The following CDC42BPB variants were observed in gnomAD, a reference collection of about 807,000 sequenced individuals.
CDC42BPB encodes the protein CDC42 binding protein kinase beta.
A neutral mutation model predicts 214.9 loss-of-function variants in CDC42BPB; 37 were observed. The observed-to-expected ratio is 0.17, with a 90% CI of 0.13 to 0.23. CDC42BPB has a LOEUF of 0.23. Ranked by LOEUF, CDC42BPB falls within the 10% of genes least tolerant of loss-of-function variation. The probability of loss-of-function intolerance (pLI) is 1.00; values close to 1 mark genes in which losing one functional copy is unlikely to be tolerated. For synonymous variants in CDC42BPB, 931 were observed against 884.0 expected, an observed-to-expected ratio of 1.05 and a Z score of -0.94; for missense variants, 1,694 against 2,227.0, an observed-to-expected ratio of 0.76 and a Z score of 4.82.
At chr14:102,972,549 C>A (rs962518663) in intron 12 of CDC42BPB, among the ~76,000 whole-genome samples, 1 of 151,854 alleles carries the variant, frequency 6.6e-6, no homozygotes, top group African/African-American at 2.4e-5. Flanking sequence ...ATTAGCTGGG[C>A]GTGGTGGTGG....
intron 5 of CDC42BPB, among the ~76,000 whole-genome samples, chr14:102,993,810 A>AAGCTCTATACCTGGCTGC (rs1353882977): frequency 2.0e-5 from 3 of 152,228 alleles, no homozygotes; most frequent in African/African-American, 7.2e-5. Context: ...GTTGTGTAAC[A>AAGCTCTATACCTGGCTGC]AGCTCTATAC....
chr14:102,952,597 C>T lies in CDC42BPB; in HGVS notation c.3073G>A (p.Ala1025Thr), dbSNP rs374839429. Reference sequence around the variant, plus strand: ...AAGGACTTGATGCTGAACTGGTGAGCTTTTGGCTGGAAGGAGAAAATCAAG... The same window carrying T: ...AAGGACTTGATGCTGAACTGGTGAGTTTTTGGCTGGAAGGAGAAAATCAAG... ...ALALAGPKPK[A>T]HQFSIKSFSS... The change falls in exon 24 of 37, where the codon GCT (alanine) becomes ACT (threonine). Residue 1025 changes from alanine to threonine, a missense_variant. By Grantham distance (58) the Ala-to-Thr change is moderately conservative. Transcript: ENST00000361246. The T allele has an allele frequency of 1.9e-6, 3 of 1,613,498 alleles. No individual in the cohort carries two copies. The African/African-American group carries it at 4.0e-5, about 22-fold the overall frequency.
chr14:103,045,693 G>T (rs1888249235), intron 1 of CDC42BPB, among the ~76,000 whole-genome samples: 1 of 152,156 alleles, frequency 6.6e-6, no homozygotes, highest in Non-Finnish European at 1.5e-5. Flanking sequence ...GTAAGTAAGT[G>T]TAAGAATAGA....
intron 36 of CDC42BPB, among the ~76,000 whole-genome samples, chr14:102,935,013 C>CAA (rs35596449): frequency 2.4e-4 from 17 of 71,320 alleles, no homozygotes; most frequent in African/African-American, 3.1e-4. Context: ...GACTCTGTCT[C>CAA]AAAAAAAAAA....
Position 102,974,144 on chromosome 14 carries a change from T to C in CDC42BPB, c.1513A>G (p.Asn505Asp). 1 of 1,613,414 alleles carries C rather than the reference T, an allele frequency of 6.2e-7. No homozygotes were observed. The highest frequency in any genetic ancestry group is 8.5e-7 in the Non-Finnish European group (1 of 1,179,754). Residue 505 changes from asparagine (N) to aspartate (D), a missense_variant, in exon 12 of 37, where the codon AAC becomes GAC. By Grantham distance (23) the Asn-to-Asp change is conservative. Coordinates refer to ENST00000361246, the MANE Select transcript of CDC42BPB (RefSeq NM_006035.4). Reference sequence around the variant, plus strand: ...TCCTCAAGCTGTCGCTCGAGCCTGTTTGAATCTGGACAAAAGAGGAAATAA... The same window carrying C: ...TCCTCAAGCTGTCGCTCGAGCCTGTCTGAATCTGGACAAAAGAGGAAATAA... The part of the protein sequence containing the change: ...ERLKNKIADS[N>D]RLERQLEDTV...
chr14:103,035,709 G>A (rs942756018), intron 1 of CDC42BPB, among the ~76,000 whole-genome samples: 1 of 151,990 alleles, frequency 6.6e-6, no homozygotes, highest in East Asian at 1.9e-4. Context: ...ATGTGGTGGC[G>A]GGCGCCTGTA....
rs774836834 is a variant in CDC42BPB at position 102,950,523 on chromosome 14, C to G, written c.3252G>C (p.Arg1084Ser). 1 of 1,613,186 alleles carries G rather than the reference C, an allele frequency of 6.2e-7. No individual in the cohort carries two copies. Among genetic ancestry groups the G allele is most frequent in the Non-Finnish European group, 8.5e-7 (1 of 1,179,912 alleles). ...CTCGCTGCACGTCCACGCCCAGAGG[C>G]CTCTTGGACTGCTCGGGAGGTATTG... is the stretch of plus-strand genomic sequence containing the variant. ...VCPIPPEQSK[R>S]PLGVDVQRGI... The change falls in exon 25 of 37, where the codon AGG becomes AGC. Residue 1084 changes from arginine to serine, a missense_variant. Transcript: ENST00000361246.
rs1886836460 is a variant in CDC42BPB at position 103,022,679 on chromosome 14, C to G, written c.176-10491G>C. Among the ~76,000 whole-genome samples, 5 of 152,174 alleles carry G rather than the reference C, an allele frequency of 3.3e-5. No individual in the cohort carries two copies. In the South Asian group the frequency reaches 1.0e-3, roughly 32 times the overall value. ...AGCTGTTAGGGGGCAGGGTATCACC[C>G]AGAGATCACAGAGGCTGGAGACAAG... On this transcript the variant is annotated intron_variant, in intron 1 of 36. Transcript: ENST00000361246.
rs1348635806 is a variant in CDC42BPB, at chr14:102,944,675, C to T, written c.3812-188G>A. On this transcript the variant is annotated intron_variant, in intron 29 of 36. Coordinates refer to ENST00000361246, the MANE Select transcript of CDC42BPB (RefSeq NM_006035.4). This position sits in a 1 kb window ranked among gnomAD's most constrained non-coding sequence, Gnocchi z 6.6. ...CAGAGCCAGTGGCTTGAACGCCCCC[C>T]GGAGAAGCTGCCCCACATCCACAGC... is the stretch of plus-strand genomic sequence containing the variant. 2.4e-5 allele frequency: 24 copies of T among 985,242 alleles called. No individual in the cohort carries two copies. The highest frequency in any genetic ancestry group is 1.1e-4 in the East Asian group (1 of 8,820). 61.0% of individuals were successfully genotyped at this position (985,242 alleles called of 1,614,324 possible).
At chr14:102,969,059 G>A (rs562666186) in intron 14 of CDC42BPB, among the ~76,000 whole-genome samples, 49 of 152,368 alleles carry the variant, frequency 3.2e-4, no homozygotes, top group African/African-American at 1.1e-3. Flanking sequence ...GCTCTCTTGG[G>A]GCTGGCGGGA....
chr14:103,049,584 T>C (rs1329707395), intron 1 of CDC42BPB, among the ~76,000 whole-genome samples: 2 of 152,268 alleles, frequency 1.3e-5, no homozygotes, highest in African/African-American at 4.8e-5. Flanking sequence ...GAGGGACTGC[T>C]GTCTTGCACT....
At chr14:102,955,302 A>T (rs1892663382) in intron 21 of CDC42BPB, among the ~76,000 whole-genome samples, 1 of 152,208 alleles carries the variant, frequency 6.6e-6, no homozygotes, top group South Asian at 2.1e-4. Context: ...ACACACCCAT[A>T]ATCCCAGCTA....
In CDC42BPB at chr14:102,968,626, A is replaced by G; in HGVS notation, c.2086T>C (p.Phe696Leu). The change falls in exon 15 of 37, where the codon TTT becomes CTT. Residue 696 changes from phenylalanine (F) to leucine (L), a missense_variant. Physicochemically the swap from Phe to Leu is conservative, Grantham distance 22. Coordinates refer to ENST00000361246, the MANE Select transcript of CDC42BPB (RefSeq NM_006035.4). The stretch of plus-strand genomic sequence containing the variant: ...CGTCTGACCAATTCCTCTTCATAAA[A>G]TAAGACTTTCTTCTCCAGCTCGGAT... ...IKSELEKKVL[F>L]YEEELVRREA... 1 of 1,614,216 alleles carries G rather than the reference A, an allele frequency of 6.2e-7. No individual in the cohort carries two copies. Among genetic ancestry groups the G allele is most frequent in the Non-Finnish European group, 8.5e-7 (1 of 1,180,042 alleles).
intron 6 of CDC42BPB, 162 bp from the exon 7 acceptor site, chr14:102,983,918 A>T: frequency 2.0e-6 from 2 of 984,918 alleles, no homozygotes; most frequent in African/African-American, 3.5e-5. Flanking sequence ...AGCTGAGTAT[A>T]GTGCCTCGAG....
chr14:103,006,529 CAAGT>C, intron 3 of CDC42BPB, among the ~76,000 whole-genome samples: 1 of 152,284 alleles, frequency 6.6e-6, no homozygotes, highest in Admixed American at 6.5e-5. Flanking sequence ...ATTTTTTAAC[CAAGT>C]AAGATGAAAT....
In CDC42BPB at chr14:103,004,809, C is replaced by T. The variant is rs34126504; in HGVS notation, c.352-786G>A. Among the ~76,000 whole-genome samples the T allele has an allele frequency of 9.2e-5, 14 of 151,790 alleles. No individual in the cohort carries two copies. The East Asian group carries it at 2.3e-3, about 25-fold the overall frequency. On this transcript the variant is annotated intron_variant, in intron 3 of 36. Transcript: ENST00000361246. This position sits in a 1 kb window ranked among gnomAD's most constrained non-coding sequence, Gnocchi z 5.3. ...GCTTGAGCCCAGGAAGCGGAGGTTGCGGTGAGCCAAAATTGCATCACCGTA... is the reference window on the plus strand; with the variant it reads ...GCTTGAGCCCAGGAAGCGGAGGTTGTGGTGAGCCAAAATTGCATCACCGTA...
At chr14:102,954,809 C>G in intron 21 of CDC42BPB, 121 bp from the exon 22 acceptor site, 1 of 1,465,248 alleles carries the variant, frequency 6.8e-7, no homozygotes, top group Non-Finnish European at 9.1e-7. Context: ...CCCAGCGGTT[C>G]TTACTCCTGG....
At chr14:103,017,889 T>C (rs995444979) in intron 1 of CDC42BPB, among the ~76,000 whole-genome samples, 5 of 152,248 alleles carry the variant, frequency 3.3e-5, no homozygotes, top group Non-Finnish European at 7.3e-5. Flanking sequence ...CCTGATTGTG[T>C]TGGTTACACC....
At chr14:102,957,442 G>A (rs1892761926) in intron 21 of CDC42BPB, among the ~76,000 whole-genome samples, 2 of 152,124 alleles carry the variant, frequency 1.3e-5, no homozygotes, top group South Asian at 4.1e-4. Flanking sequence ...CAGTGATCAA[G>A]CACCATCTCT....
Sources: allele counts gnomAD v4.1 joint callset (sites outside exome capture counted in the v4.1 genomes callset), GRCh38; gene constraint gnomAD v4.1.1; non-coding constraint Gnocchi (gnomAD v3.1); transcripts MANE v1.5; gene names NCBI Gene and HGNC (gene_info 2026-07-23, HGNC 2026-07-21).